Variants in SHISA9 observed in about 807,000 individuals in gnomAD.
SHISA9 encodes the protein protein shisa-9.
A neutral mutation model predicts 38.0 loss-of-function variants in SHISA9; 13 were observed. That is an observed-to-expected ratio of 0.34 (90% CI 0.22 to 0.54). The LOEUF (loss-of-function observed/expected upper bound fraction) is 0.54. Among genes scored for constraint, SHISA9 ranks in the 20% least tolerant of loss-of-function variants. The pLI, the probability that SHISA9 is intolerant of heterozygous loss-of-function variation, is 0.91. For synonymous variants in SHISA9, 275 were observed against 242.0 expected (o/e 1.14, Z -1.27); for missense variants, 538 against 575.8 (o/e 0.93, Z 0.67).
At chr16:13,502,278 A>C in the SHISA9 span, among the ~76,000 whole-genome samples, 2 of 152,182 alleles carry the variant, frequency 1.3e-5, no homozygotes, top group Non-Finnish European at 2.9e-5. Context: ...TCTGCATTTT[A>C]CAAGTTCTGG....
the SHISA9 span, among the ~76,000 whole-genome samples, chr16:13,496,109 A>C: frequency 3.9e-5 from 6 of 152,184 alleles, no homozygotes; most frequent in African/African-American, 1.4e-4. Context: ...GGAAATATAC[A>C]TGATAAGGTT....
At chr16:13,108,444 TTTGGAGTC>T (rs1327236383) in intron 2 of SHISA9, among the ~76,000 whole-genome samples, 1 of 152,136 alleles carries the variant, frequency 6.6e-6, no homozygotes, top group Non-Finnish European at 1.5e-5. Flanking sequence ...TTTTGAAGTT[TTTGGAGTC>T]TTGGGGTCTT....
At chr16:13,391,300 G>A in the SHISA9 span, among the ~76,000 whole-genome samples, 1 of 152,158 alleles carries the variant, frequency 6.6e-6, no homozygotes, top group Non-Finnish European at 1.5e-5. Context: ...AATTCACTGT[G>A]CTGCTGTAGG....
intron 2 of SHISA9, among the ~76,000 whole-genome samples, chr16:13,090,943 C>G (rs1276196061): frequency 6.6e-6 from 1 of 152,150 alleles, no homozygotes; most frequent in Non-Finnish European, 1.5e-5. Flanking sequence ...CCAGTTGTTT[C>G]TTTCCATGTT....
At chr16:12,908,252 T>C (rs1015479053) in intron 1 of SHISA9, among the ~76,000 whole-genome samples, 2 of 152,330 alleles carry the variant, frequency 1.3e-5, no homozygotes. Context: ...TTTATTTAAC[T>C]GTGTGACATT....
At chr16:12,945,533 G>T (rs1263105717) in intron 2 of SHISA9, among the ~76,000 whole-genome samples, 1 of 152,148 alleles carries the variant, frequency 6.6e-6, no homozygotes, top group African/African-American at 2.4e-5. Context: ...ACATTTTAAT[G>T]CATTTCTTTC....
intron 2 of SHISA9, among the ~76,000 whole-genome samples, chr16:12,932,381 A>C (rs1337176971): frequency 2.0e-5 from 3 of 152,080 alleles, no homozygotes; most frequent in African/African-American, 7.2e-5. Flanking sequence ...TTACTCTGTC[A>C]CCCAGGCTGG....
At chr16:13,476,737 T>TG in the SHISA9 span, among the ~76,000 whole-genome samples, 25 of 130,910 alleles carry the variant, frequency 1.9e-4, no homozygotes, top group African/African-American at 7.5e-4. Context: ...GCCTGTTTTG[T>TG]GTTTTTTTTT....
the SHISA9 span, among the ~76,000 whole-genome samples, chr16:13,430,921 G>A: frequency 2.4e-4 from 35 of 144,178 alleles, no homozygotes; most frequent in Non-Finnish European, 3.0e-4. Context: ...TCTGTTTCTA[G>A]AAAAAAAAAA....
chr16:13,429,548 T>C, the SHISA9 span, among the ~76,000 whole-genome samples: 1 of 152,212 alleles, frequency 6.6e-6, no homozygotes, highest in South Asian at 2.1e-4. Context: ...CCAGTCATAT[T>C]GGATTACAGG....
intron 2 of SHISA9, among the ~76,000 whole-genome samples, chr16:13,133,659 C>T (rs975878221): frequency 7.2e-5 from 11 of 152,180 alleles, no homozygotes; most frequent in Non-Finnish European, 1.6e-4. Flanking sequence ...CCTCACATTT[C>T]GCCCACATTA....
intron 2 of SHISA9, among the ~76,000 whole-genome samples, chr16:12,970,418 C>CATATATATATAT (rs2072054118): frequency 0.017 from 161 of 9,578 alleles, 6 homozygotes; most frequent in South Asian, 0.062. Context: ...TATATATATA[C>CATATATATATAT]ACATATATGT....
rs538263409 is a variant in SHISA9 at position 13,044,199 on chromosome 16, T to C, written c.691+127384T>C. Reference sequence around the variant, plus strand: ...GGTTCCCCCATTTCAGACACGCAAATGTAGAATCCACGTGGCACTTACAGA... The same window carrying C: ...GGTTCCCCCATTTCAGACACGCAAACGTAGAATCCACGTGGCACTTACAGA... On this transcript the variant is annotated intron_variant, in intron 2 of 4. Coordinates refer to ENST00000558583, the MANE Select transcript of SHISA9 (RefSeq NM_001145204.3). Among the ~76,000 whole-genome samples the C allele has an allele frequency of 7.2e-5, 11 of 152,278 alleles. No individual in the cohort carries two copies. The East Asian group carries it at 2.1e-3, about 29-fold the overall frequency.
intron 2 of SHISA9, among the ~76,000 whole-genome samples, chr16:13,146,216 G>C (rs185267355): frequency 6.6e-6 from 1 of 152,292 alleles, no homozygotes; most frequent in Admixed American, 6.5e-5. Flanking sequence ...ATTGACAGTG[G>C]AAGTGATTAT....
intron 1 of SHISA9, among the ~76,000 whole-genome samples, chr16:12,904,784 T>C (rs2071070947): frequency 6.6e-6 from 1 of 152,184 alleles, no homozygotes; most frequent in South Asian, 2.1e-4. Context: ...TTACCTAGAA[T>C]GTTTTATAAA....
rs1023607038 is a variant in SHISA9 at position 13,110,608 on chromosome 16, G to A, written c.692-92786G>A. ...CAGGGAGAGGAGAGCTGGAACTTGA[G>A]CAAGACTCAAAGGTTGCTGGAGACT... On this transcript the variant is annotated intron_variant, in intron 2 of 4. Coordinates refer to ENST00000558583, the MANE Select transcript of SHISA9 (RefSeq NM_001145204.3). Among the ~76,000 whole-genome samples, 5 of 152,176 alleles carry A rather than the reference G, an allele frequency of 3.3e-5. No individual in the cohort carries two copies. In the East Asian group the frequency reaches 9.6e-4, roughly 29 times the overall value.
intron 2 of SHISA9, among the ~76,000 whole-genome samples, chr16:13,200,084 G>A (rs2050989852): frequency 6.6e-6 from 1 of 152,090 alleles, no homozygotes; most frequent in Non-Finnish European, 1.5e-5. Context: ...TAATTTTGAG[G>A]CATGCATTCA....
At chr16:12,925,858 A>G (rs553327496) in intron 2 of SHISA9, among the ~76,000 whole-genome samples, 21 of 152,122 alleles carry the variant, frequency 1.4e-4, no homozygotes, top group African/African-American at 4.3e-4. Context: ...TTTTTTCTGT[A>G]CTTATCACAT....
chr16:13,091,994 T>A (rs2073779766), intron 2 of SHISA9, among the ~76,000 whole-genome samples: 2 of 152,196 alleles, frequency 1.3e-5, no homozygotes, highest in African/African-American at 4.8e-5. Context: ...CTGGTGTAGA[T>A]GACCTTTTTG....
Sources: allele counts gnomAD v4.1 joint callset (sites outside exome capture counted in the v4.1 genomes callset), GRCh38; gene constraint gnomAD v4.1.1; transcripts MANE v1.5; gene names NCBI Gene and HGNC (gene_info 2026-07-23, HGNC 2026-07-21).